PLA2R1: variants seen among roughly 807,000 people sequenced by gnomAD.
PLA2R1 encodes secretory phospholipase A2 receptor.
PLA2R1 carries 158 observed loss-of-function variants against 195.9 expected under a neutral mutation model. The observed-to-expected ratio is 0.81, with a 90% CI of 0.71 to 0.92. The LOEUF (loss-of-function observed/expected upper bound fraction) is 0.92, where lower values mean the gene tolerates loss of function less well. Ranked by LOEUF, PLA2R1 falls within the 40% of genes least tolerant of loss-of-function variation. The pLI, the probability that PLA2R1 is intolerant of heterozygous loss-of-function variation, is 0.00. For missense variants in PLA2R1, 1,626 were observed against 1,764.6 expected, an observed-to-expected ratio of 0.92 and a Z score of 1.41; for synonymous variants, 586 against 598.2, an observed-to-expected ratio of 0.98 and a Z score of 0.30.
At chr2:160,011,460 C>CA (rs200504223) in intron 10 of PLA2R1, among the ~76,000 whole-genome samples, 4,319 of 151,882 alleles carry the variant, frequency 0.028, 102 homozygotes, top group South Asian at 0.048. Flanking sequence ...AACAGGTATT[C>CA]AAAAAAAATT....
chr2:159,951,447 G>T lies in PLA2R1; in HGVS notation c.3433C>A (p.His1145Asn). The T allele has an allele frequency of 6.2e-7, 1 of 1,613,124 alleles. No individual in the cohort carries two copies. The highest frequency in any genetic ancestry group is 8.5e-7 in the Non-Finnish European group (1 of 1,179,112). Residue 1145 changes from histidine (H) to asparagine (N), a missense_variant, in exon 24 of 30, where the codon CAC (histidine) becomes AAC (asparagine). Transcript: ENST00000283243. ...GTGATGCTGACCAGTTGTGCTTTGT[G>T]CATCAGGCAGGTTTTTATTGCTGCA... is the stretch of plus-strand genomic sequence containing the variant. ...WYAAIKTCLM[H>N]KAQLVSITDQ...
At chr2:159,967,416 A>C in intron 20 of PLA2R1, 123 bp downstream of exon 20, 2 of 719,794 alleles carry the variant, frequency 2.8e-6, no homozygotes, top group Non-Finnish European at 4.4e-6. Flanking sequence ...AAGTTGTGAC[A>C]AAAAAATTCC....
chr2:160,060,768 T>C (rs1280153046), intron 1 of PLA2R1, among the ~76,000 whole-genome samples: 1 of 152,258 alleles, frequency 6.6e-6, no homozygotes, highest in Non-Finnish European at 1.5e-5. Flanking sequence ...ATACTCTCTG[T>C]GTGGCCCAGT....
chr2:159,983,120 G>C (rs1279800522), intron 13 of PLA2R1, among the ~76,000 whole-genome samples: 10 of 152,178 alleles, frequency 6.6e-5, no homozygotes, highest in Non-Finnish European at 8.8e-5. Flanking sequence ...GATTTGATCT[G>C]TATTTGCTCT....
rs78839598 is a variant in PLA2R1, at chr2:159,951,724, T to C, written c.3302-146A>G. Reference sequence around the variant, plus strand: ...TGACTGTTTCAAAACAAGAACACTATCTGAAAGTGTAAGTGATGCAAAAAA... The same window carrying C: ...TGACTGTTTCAAAACAAGAACACTACCTGAAAGTGTAAGTGATGCAAAAAA... On this transcript the variant is annotated intron_variant, in intron 23 of 29. Transcript: ENST00000283243. 7,558 of 615,616 alleles carry C rather than the reference T, an allele frequency of 0.012. 424 individuals carry two copies. The African/African-American group carries it at 0.13, about 10-fold the overall frequency. The allele number at this position is 615,616 out of a possible 1,614,324, so 38.1% of individuals were successfully genotyped here. A position where few individuals can be genotyped will look rare whatever the true frequency, so the allele number is the denominator to read the frequency against.
chr2:159,924,905 C>T, the PLA2R1 span, among the ~76,000 whole-genome samples: 4 of 152,086 alleles, frequency 2.6e-5, no homozygotes, highest in African/African-American at 7.2e-5. Flanking sequence ...TGTCACGGTA[C>T]GTTCCATTTC....
chr2:159,956,436 G>A (rs937568907), intron 21 of PLA2R1, 74 bp downstream of exon 21: 8 of 813,212 alleles, frequency 9.8e-6, no homozygotes, highest in Non-Finnish European at 1.8e-5. Context: ...TGTTAGTATA[G>A]GTGGGGGGGA....
intron 11 of PLA2R1, among the ~76,000 whole-genome samples, chr2:160,000,929 T>A (rs1691545272): frequency 6.6e-6 from 1 of 152,046 alleles, no homozygotes; most frequent in African/African-American, 2.4e-5. Context: ...GCTGAGTAAT[T>A]GGAATGATAA....
intron 1 of PLA2R1, among the ~76,000 whole-genome samples, chr2:160,049,198 A>G (rs1240271387): frequency 1.3e-5 from 2 of 152,238 alleles, no homozygotes; most frequent in East Asian, 3.9e-4. Context: ...TCCATGGAAG[A>G]CAGTGGTTCT....
Position 159,939,723 on chromosome 2 carries a change from A to G in PLA2R1, c.*2055T>C, listed in dbSNP as rs755856678. 4.6e-5 allele frequency: 7 copies of G among 152,106 alleles called. No homozygotes were observed. The highest frequency in any genetic ancestry group is 3.2e-3 in the Middle Eastern group (1 of 316). 9.4% of individuals were successfully genotyped at this position (152,106 alleles called of 1,614,324 possible). On this transcript the variant is annotated 3_prime_UTR_variant, in exon 30 of 30. Coordinates refer to ENST00000283243, the MANE Select transcript of PLA2R1 (RefSeq NM_007366.5). ...TTCTTTCTGCAAAATCACTTTCCTA[A>G]TGGTGTATTTTGTCAAATTATTATG...
chr2:160,057,886 A>C (rs1291915830), intron 1 of PLA2R1, among the ~76,000 whole-genome samples: 6 of 152,128 alleles, frequency 3.9e-5, no homozygotes, highest in Non-Finnish European at 7.4e-5. Context: ...CCTGGGAGAG[A>C]CCAGGAGCAC....
At chr2:159,928,136 C>T (rs1472644021), downstream of PLA2R1, among the ~76,000 whole-genome samples, 1 of 152,156 alleles carries the variant, frequency 6.6e-6, no homozygotes. Context: ...TTTTCTGGTC[C>T]AGGGGATGCC....
chr2:159,994,948 T>G (rs1022591915), intron 11 of PLA2R1, among the ~76,000 whole-genome samples: 2 of 151,966 alleles, frequency 1.3e-5, no homozygotes, highest in Non-Finnish European at 2.9e-5. Context: ...GTGTGGGATG[T>G]GGGGTGGGTG....
chr2:160,058,318 T>C (rs1695710303), intron 1 of PLA2R1, among the ~76,000 whole-genome samples: 1 of 152,144 alleles, frequency 6.6e-6, no homozygotes, highest in Admixed American at 6.5e-5. Flanking sequence ...TCTCCCCAGA[T>C]AGGACCTGAT....
intron 25 of PLA2R1, among the ~76,000 whole-genome samples, chr2:159,948,797 C>T (rs1416093430): frequency 6.6e-6 from 1 of 152,078 alleles, no homozygotes; most frequent in Non-Finnish European, 1.5e-5. Context: ...TTATTTGATA[C>T]AGTACCCAGA....
chr2:160,028,868 A>T lies in PLA2R1; in HGVS notation c.937T>A (p.Tyr313Asn). The change falls in exon 5 of 30, where the codon TAT becomes AAT. Residue 313 changes from tyrosine to asparagine, a missense_variant. Coordinates refer to ENST00000283243, the MANE Select transcript of PLA2R1 (RefSeq NM_007366.5). Reference protein sequence around the residue: ...WQWSDGTPLNYLNWSPEVNFE... With the variant: ...WQWSDGTPLNNLNWSPEVNFE... ...CGGGTACCTGGGCTCCAATTCAGAT[A>T]GTTGAGCGGCGTTCCATCAGACCAC... 2 of 1,610,538 alleles carry T rather than the reference A, an allele frequency of 1.2e-6. No homozygotes were observed. The highest frequency in any genetic ancestry group is 1.7e-6 in the Non-Finnish European group (2 of 1,176,598).
the PLA2R1 span, among the ~76,000 whole-genome samples, chr2:159,925,985 G>A: frequency 0.02 from 3,026 of 152,278 alleles, 49 homozygotes; most frequent in Non-Finnish European, 0.03. Context: ...AAGGATGAAG[G>A]AGAGCTGGAG....
chr2:160,015,078 A>T (rs6704861), intron 9 of PLA2R1, among the ~76,000 whole-genome samples: 17 of 151,692 alleles, frequency 1.1e-4, no homozygotes, highest in African/African-American at 3.9e-4. Flanking sequence ...TCAGAAACAC[A>T]GACTTGTTAC....
intron 11 of PLA2R1, among the ~76,000 whole-genome samples, chr2:159,988,521 C>T (rs760831403): frequency 6.6e-6 from 1 of 152,118 alleles, no homozygotes; most frequent in African/African-American, 2.4e-5. Flanking sequence ...GGTGATGGAG[C>T]CTGTCCAGAG....
Sources: gnomAD v4.1 joint callset for allele counts (sites outside exome capture counted in the v4.1 genomes callset) on GRCh38, gnomAD v4.1.1 for gene constraint, MANE v1.5 for transcripts, NCBI Gene and HGNC (gene_info 2026-07-23, HGNC 2026-07-21) for gene names.